Variants in EPHA4 observed in about 807,000 individuals in gnomAD.
EPHA4 encodes the protein EPH receptor A4.
EPHA4 carries 19 observed loss-of-function variants against 108.3 expected under a neutral mutation model. The ratio of observed to expected loss-of-function variants is 0.18; its 90% CI spans 0.12 to 0.26. The LOEUF (loss-of-function observed/expected upper bound fraction) is 0.26, where lower values mean the gene tolerates loss of function less well. EPHA4 is among the 10% of genes least tolerant of loss of function. EPHA4 has a pLI of 1.00. For missense variants in EPHA4, 917 were observed against 1,254.0 expected (o/e 0.73, Z 4.06); for synonymous variants, 449 against 455.5 (o/e 0.99, Z 0.18).
At chr2:221,560,504 G>C (rs770374307) in intron 3 of EPHA4, among the ~76,000 whole-genome samples, 4 of 152,176 alleles carry the variant, frequency 2.6e-5, no homozygotes, top group Non-Finnish European at 4.4e-5. Flanking sequence ...GCAAAGGAGA[G>C]AGATGCTTCC....
intron 13 of EPHA4, among the ~76,000 whole-genome samples, 172 bp from the exon 14 acceptor site, chr2:221,434,463 T>C (rs1690170999): frequency 1.3e-5 from 2 of 152,138 alleles, no homozygotes; most frequent in African/African-American, 4.8e-5. Context: ...AACACAGTTC[T>C]CTTATGTTTT....
At chr2:221,434,951 A>T (rs536571789) in intron 13 of EPHA4, among the ~76,000 whole-genome samples, 2 of 152,314 alleles carry the variant, frequency 1.3e-5, no homozygotes, top group African/African-American at 4.8e-5. Flanking sequence ...ACCCAGGAAA[A>T]GTTGCAAAAC....
At chr2:221,461,187 A>C (rs1691126610) in intron 5 of EPHA4, among the ~76,000 whole-genome samples, 1 of 152,202 alleles carries the variant, frequency 6.6e-6, no homozygotes, top group African/African-American at 2.4e-5. Context: ...AAAATGAACT[A>C]TACTGTACAC....
chr2:221,445,881 G>A (rs1176190705), intron 9 of EPHA4, among the ~76,000 whole-genome samples: 1 of 152,034 alleles, frequency 6.6e-6, no homozygotes, highest in Non-Finnish European at 1.5e-5. Flanking sequence ...TCTTAGGGTA[G>A]AGGATAAAAT....
chr2:221,466,697 C>T (rs995438965), intron 5 of EPHA4, among the ~76,000 whole-genome samples: 5 of 152,098 alleles, frequency 3.3e-5, no homozygotes, highest in Admixed American at 6.6e-5. Context: ...TTCATGTAAA[C>T]CTCACAAAAA....
chr2:221,556,917 T>TG (rs1694323734), intron 3 of EPHA4, among the ~76,000 whole-genome samples: 1 of 152,160 alleles, frequency 6.6e-6, no homozygotes, highest in Admixed American at 6.5e-5. Flanking sequence ...TATAAGGGTT[T>TG]GGTACTATTT....
intron 14 of EPHA4, among the ~76,000 whole-genome samples, chr2:221,431,206 G>A (rs944258400): frequency 6.6e-6 from 1 of 152,042 alleles, no homozygotes; most frequent in African/African-American, 2.4e-5. Flanking sequence ...TATTTGTTTG[G>A]GAGTCTAAAA....
At chr2:221,428,471 T>C (rs77208603) in intron 15 of EPHA4, among the ~76,000 whole-genome samples, 3,965 of 152,310 alleles carry the variant, frequency 0.026, 185 homozygotes, top group African/African-American at 0.091. Flanking sequence ...ACTTGTTCTG[T>C]ACCTTGGGGC....
intron 6 of EPHA4, 152 bp from the exon 7 acceptor site, chr2:221,456,924 T>C (rs1690974855): frequency 9.1e-6 from 7 of 773,186 alleles, no homozygotes; most frequent in Non-Finnish European, 1.4e-5. Context: ...TTCTCTTGGA[T>C]GTTATAAGTA....
intron 3 of EPHA4, among the ~76,000 whole-genome samples, chr2:221,558,408 G>A (rs1694362180): frequency 6.6e-6 from 1 of 151,894 alleles, no homozygotes; most frequent in Non-Finnish European, 1.5e-5. Flanking sequence ...CTTTGCTAAT[G>A]TTAAATTTAC....
At chr2:221,516,339 G>C (rs1348570024) in intron 3 of EPHA4, among the ~76,000 whole-genome samples, 2 of 149,740 alleles carry the variant, frequency 1.3e-5, no homozygotes, top group African/African-American at 4.9e-5. Flanking sequence ...CCCATGATCT[G>C]ATAGATTCAA....
intron 4 of EPHA4, among the ~76,000 whole-genome samples, chr2:221,496,539 T>G (rs956747790): frequency 2.0e-5 from 3 of 152,204 alleles, no homozygotes; most frequent in Non-Finnish European, 4.4e-5. Flanking sequence ...GTCACTTCCC[T>G]GATTATCCCT....
intron 3 of EPHA4, among the ~76,000 whole-genome samples, chr2:221,526,612 C>T (rs960305574): frequency 1.3e-5 from 2 of 151,446 alleles, no homozygotes; most frequent in African/African-American, 2.4e-5. Context: ...TTTGGGAGGC[C>T]GAGGTGGGCG....
chr2:221,557,472 C>T (rs1297728785), intron 3 of EPHA4, among the ~76,000 whole-genome samples: 2 of 152,190 alleles, frequency 1.3e-5, no homozygotes, highest in South Asian at 2.1e-4. Flanking sequence ...TACATTCATG[C>T]ATATATGTGT....
intron 3 of EPHA4, among the ~76,000 whole-genome samples, chr2:221,550,895 A>T (rs1008172857): frequency 3.9e-5 from 6 of 152,116 alleles, no homozygotes; most frequent in Non-Finnish European, 7.4e-5. Context: ...ACAACAAACC[A>T]AAAAAGCAAC....
chr2:221,421,433 T>C (rs1458462214), intron 17 of EPHA4, among the ~76,000 whole-genome samples: 3 of 152,372 alleles, frequency 2.0e-5, no homozygotes, highest in South Asian at 4.1e-4. Flanking sequence ...CCATACTCTC[T>C]ACATGTAAAC....
chr2:221,438,660 T>C (rs1690322425), intron 11 of EPHA4, among the ~76,000 whole-genome samples: 1 of 151,892 alleles, frequency 6.6e-6, no homozygotes, highest in South Asian at 2.1e-4. Flanking sequence ...CAGTACGCAC[T>C]TGCAGTCCCA....
intron 4 of EPHA4, among the ~76,000 whole-genome samples, chr2:221,492,847 T>G (rs1475599912): frequency 6.6e-6 from 1 of 152,144 alleles, no homozygotes; most frequent in African/African-American, 2.4e-5. Context: ...AGTGGAGGAG[T>G]TGGTGTCTCA....
intron 8 of EPHA4, among the ~76,000 whole-genome samples, chr2:221,448,401 C>T (rs1000861561): frequency 6.6e-6 from 1 of 152,128 alleles, no homozygotes. Context: ...AGTAGTATTA[C>T]GTTTTATATC....
Sources: gnomAD v4.1 joint callset for allele counts (sites outside exome capture counted in the v4.1 genomes callset) on GRCh38, gnomAD v4.1.1 for gene constraint, MANE v1.5 for transcripts, NCBI Gene and HGNC (gene_info 2026-07-23, HGNC 2026-07-21) for gene names.